HAS3: variants seen among roughly 807,000 people sequenced by gnomAD.
HAS3 encodes the protein HA synthase 3.
Under a neutral mutation model 50.3 loss-of-function variants are expected in HAS3, and 27 were observed. The ratio of observed to expected loss-of-function variants is 0.54; its 90% confidence interval spans 0.40 to 0.74. The LOEUF (loss-of-function observed/expected upper bound fraction) is 0.74, where lower values mean the gene tolerates loss of function less well. HAS3 is among the 30% of genes least tolerant of loss of function. The pLI, the probability that HAS3 is intolerant of heterozygous loss-of-function variation, is 0.00. For missense variants in HAS3, 517 were observed against 742.8 expected (o/e 0.70, Z 3.53); for synonymous variants, 339 against 310.9 (o/e 1.09, Z -0.95).
Position 69,116,292 on chromosome 16 carries a change from C to A in HAS3, c.*1026C>A. ...TTTCAAGGTGGCAATTGGGGCGGAG[C>A]CCCGGCTCTTATAGAAGCTTCAGCA... On this transcript the variant is annotated 3_prime_UTR_variant, in exon 4 of 4. Transcript: ENST00000569188. The A allele has an allele frequency of 1.0e-6, 1 of 985,684 alleles. No homozygotes were observed. The highest frequency in any genetic ancestry group is 1.2e-6 in the Non-Finnish European group (1 of 829,848). The allele number at this position is 985,684 out of a possible 1,614,324, so 61.1% of individuals were successfully genotyped here.
At chr16:69,101,302 T>C (rs1960694451), upstream of HAS3, among the ~76,000 whole-genome samples, 1 of 152,130 alleles carries the variant, frequency 6.6e-6, no homozygotes, top group Non-Finnish European at 1.5e-5. Flanking sequence ...AGCTCCTTTA[T>C]TTTTATTTTT....
At chr16:69,085,507 C>G in the HAS3 span, among the ~76,000 whole-genome samples, 1 of 152,154 alleles carries the variant, frequency 6.6e-6, no homozygotes, top group Non-Finnish European at 1.5e-5. Flanking sequence ...TCAAGCAGTC[C>G]TCCCCCCTCA....
rs1961152858 is a variant in HAS3 at position 69,115,514 on chromosome 16, GCATCTGCA to G, written c.*252_*259del. 4.9e-6 allele frequency: 6 copies of G among 1,228,124 alleles called. No individual in the cohort carries two copies. The highest frequency in any genetic ancestry group is 5.1e-6 in the Non-Finnish European group (5 of 984,090). The allele number at this position is 1,228,124 out of a possible 1,614,324, so 76.1% of individuals were successfully genotyped here. ...GTGTTTTCAGACTGCCTGTCTGCTTGCATCTGCACATAGGCAGTAGCCTCCTCCTGGGC... is the reference window on the plus strand; with the variant it reads ...GTGTTTTCAGACTGCCTGTCTGCTTGCATAGGCAGTAGCCTCCTCCTGGGC... On this transcript the variant is annotated 3_prime_UTR_variant, in exon 4 of 4. Coordinates refer to ENST00000569188, the MANE Select transcript of HAS3 (RefSeq NM_001199280.2).
Position 69,116,033 on chromosome 16 carries a change from G to C in HAS3, c.*767G>C. ...CACCTGGAAACTGCTCAGACGTCTAGATGGGTTCTTAGCTTGTCTGTGATC... is the reference window on the plus strand; with the variant it reads ...CACCTGGAAACTGCTCAGACGTCTACATGGGTTCTTAGCTTGTCTGTGATC... On this transcript the variant is annotated 3_prime_UTR_variant, in exon 4 of 4. Coordinates refer to ENST00000569188, the MANE Select transcript of HAS3 (RefSeq NM_001199280.2). 1 of 985,736 alleles carries C rather than the reference G, an allele frequency of 1.0e-6. No homozygotes were observed. Among genetic ancestry groups the C allele is most frequent in the Non-Finnish European group, 1.2e-6 (1 of 829,854 alleles). The allele number at this position is 985,736 out of a possible 1,614,324, so 61.1% of individuals were successfully genotyped here. A position where few individuals can be genotyped will look rare whatever the true frequency, so the allele number is the denominator to read the frequency against.
chr16:69,105,207 G>A (rs144400975), upstream of HAS3, among the ~76,000 whole-genome samples: 740 of 151,658 alleles, frequency 4.9e-3, 2 homozygotes, highest in Non-Finnish European at 7.6e-3. Flanking sequence ...CACGGCGCCC[G>A]GCCACTCATT....
At position 69,106,261 on chromosome 16, in the gene HAS3, G is replaced by T. The variant is rs1392046521; in HGVS notation, c.-1+474G>T. 6.6e-6 allele frequency: 1 copy of T among 151,304 alleles called. No homozygotes were observed. The highest frequency in any genetic ancestry group is 6.6e-5 in the Admixed American group (1 of 15,172). The allele number at this position is 151,304 out of a possible 1,614,324, so 9.4% of individuals were successfully genotyped here. ...GCGGCGCGGAGCGGAGCGGGAGGAG[G>T]GGCATGGAGCCGCCGCGGGCCTGCT... On this transcript the variant is annotated intron_variant, in intron 1 of 3. Transcript: ENST00000569188. This position sits in a 1 kb window ranked among gnomAD's most constrained non-coding sequence, Gnocchi z 5.5.
chr16:69,089,472 G>T, the HAS3 span, among the ~76,000 whole-genome samples: 2 of 152,138 alleles, frequency 1.3e-5, no homozygotes, highest in Non-Finnish European at 2.9e-5. Flanking sequence ...ACCTCAGAGG[G>T]CCTGGCTGTG....
chr16:69,105,070 C>T (rs1960755526), upstream of HAS3, among the ~76,000 whole-genome samples: 1 of 119,470 alleles, frequency 8.4e-6, no homozygotes, highest in Non-Finnish European at 1.6e-5. Context: ...TGCAGTGGTG[C>T]GATTTCAGCT....
chr16:69,112,090 C>A (rs1035701772), intron 2 of HAS3, among the ~76,000 whole-genome samples: 2 of 152,242 alleles, frequency 1.3e-5, no homozygotes, highest in African/African-American at 4.8e-5. Flanking sequence ...GTGGGGAAAC[C>A]CAGGCAGCAC....
In HAS3 at chr16:69,109,364, C is replaced by T. The variant is rs1210758422; in HGVS notation, c.1-32C>T. The T allele has an allele frequency of 1.9e-6, 3 of 1,572,376 alleles. No individual in the cohort carries two copies. The highest frequency in any genetic ancestry group is 2.6e-6 in the Non-Finnish European group (3 of 1,162,908). ...ACGGACTGGAAATGCTGCCTCCTGCCTGACCCTTCATCTCCTGCCTTCTCT... is the reference window on the plus strand; with the variant it reads ...ACGGACTGGAAATGCTGCCTCCTGCTTGACCCTTCATCTCCTGCCTTCTCT... On this transcript the variant is annotated intron_variant, in intron 1 of 3. Transcript: ENST00000569188. The surrounding 1 kb of genome is among the most constrained non-coding windows in gnomAD (Gnocchi z 5.3).
At chr16:69,098,634 C>T in the HAS3 span, among the ~76,000 whole-genome samples, 2 of 143,694 alleles carry the variant, frequency 1.4e-5, no homozygotes, top group Non-Finnish European at 3.0e-5. Flanking sequence ...ATTTTAATAT[C>T]AAACCTATTA....
chr16:69,089,159 C>A, the HAS3 span, among the ~76,000 whole-genome samples: 1 of 152,088 alleles, frequency 6.6e-6, no homozygotes, highest in Admixed American at 6.6e-5. Context: ...TCTTTGTCTG[C>A]GAGGGTGACT....
At chr16:69,111,493 G>A (rs892839685) in intron 2 of HAS3, among the ~76,000 whole-genome samples, 1 of 152,174 alleles carries the variant, frequency 6.6e-6, no homozygotes, top group African/African-American at 2.4e-5. Flanking sequence ...TGCAGTGGCT[G>A]TCCTGCCAGC....
rs1450014664 is a variant in HAS3, at chr16:69,106,246, G to A, written c.-1+459G>A. ...CAGTCGGAGCGCGCGGCGGCGCGGAGCGGAGCGGGAGGAGGGGCATGGAGC... is the reference window on the plus strand; with the variant it reads ...CAGTCGGAGCGCGCGGCGGCGCGGAACGGAGCGGGAGGAGGGGCATGGAGC... On this transcript the variant is annotated intron_variant, in intron 1 of 3. Coordinates refer to ENST00000569188, the MANE Select transcript of HAS3 (RefSeq NM_001199280.2). The surrounding 1 kb of genome is among the most constrained non-coding windows in gnomAD (Gnocchi z 5.5). The A allele has an allele frequency of 6.6e-6, 1 of 151,888 alleles. No individual in the cohort carries two copies. The highest frequency in any genetic ancestry group is 2.4e-5 in the African/African-American group (1 of 41,328). 9.4% of individuals were successfully genotyped at this position (151,888 alleles called of 1,614,324 possible).
chr16:69,118,636 A>C, downstream of HAS3: 1 of 701,930 alleles, frequency 1.4e-6, no homozygotes, highest in Non-Finnish European at 2.6e-6. Flanking sequence ...CCTTTCTCTC[A>C]AGGGCAGGAT....
At chr16:69,108,237 C>T (rs1195425970) in intron 1 of HAS3, among the ~76,000 whole-genome samples, 2 of 152,166 alleles carry the variant, frequency 1.3e-5, no homozygotes, top group Admixed American at 1.3e-4. Flanking sequence ...ACCACAGTCA[C>T]CCTCACCACT....
chr16:69,100,952 T>A (rs975809131), upstream of HAS3, among the ~76,000 whole-genome samples: 7 of 152,136 alleles, frequency 4.6e-5, no homozygotes, highest in Non-Finnish European at 1.0e-4. Context: ...CTGCCTGTGC[T>A]CACCTCCACC....
upstream of HAS3, among the ~76,000 whole-genome samples, chr16:69,101,075 C>T (rs1960692014): frequency 6.6e-6 from 1 of 152,172 alleles, no homozygotes; most frequent in Non-Finnish European, 1.5e-5. Flanking sequence ...CCCCAAAATG[C>T]TGCCAGCCCA....
chr16:69,114,712 C>T lies in HAS3; in HGVS notation c.1108C>T (p.Leu370=). Residue 370 remains leucine (L), a synonymous_variant, in exon 4 of 4, where the codon CTG becomes TTG. Coordinates refer to ENST00000569188, the MANE Select transcript of HAS3 (RefSeq NM_001199280.2). This position sits in a 1 kb window ranked among gnomAD's most constrained non-coding sequence, Gnocchi z 6.4. ...SYFREWLYNS[L]WFHKHHLWMT... is the part of the protein sequence containing the mutation. The stretch of plus-strand genomic sequence containing the variant: ...CTTCCGGGAGTGGCTCTACAACTCT[C>T]TGTGGTTCCATAAGCACCACCTCTG... The T allele has an allele frequency of 1.2e-6, 2 of 1,614,146 alleles. No homozygotes were observed. The highest frequency in any genetic ancestry group is 1.7e-6 in the Non-Finnish European group (2 of 1,180,018).
Sources: gnomAD v4.1 joint callset for allele counts (sites outside exome capture counted in the v4.1 genomes callset) on GRCh38, gnomAD v4.1.1 for gene constraint, Gnocchi (gnomAD v3.1) non-coding constraint, MANE v1.5 for transcripts, NCBI Gene and HGNC (gene_info 2026-07-23, HGNC 2026-07-21) for gene names.